LOC128706666: variants seen among roughly 807,000 people sequenced by gnomAD.
the LOC128706666 span, among the ~76,000 whole-genome samples, chr20:10,417,494 C>G: frequency 6.6e-6 from 1 of 152,046 alleles, no homozygotes; most frequent in Non-Finnish European, 1.5e-5. Context: ...GCCTATAGTC[C>G]CAGCTACTTG....
the LOC128706666 span, chr20:10,434,132 C>CCAGGCCGCCACAGGCCGCCA: frequency 2.0e-5 from 3 of 152,708 alleles, no homozygotes; most frequent in Admixed American, 2.0e-4. Flanking sequence ...TCGCGCCGCC[C>CCAGGCCGCCACAGGCCGCCA]CAGGCCGCCA....
the LOC128706666 span, among the ~76,000 whole-genome samples, chr20:10,424,780 G>A: frequency 3.3e-5 from 5 of 151,936 alleles, no homozygotes; most frequent in African/African-American, 9.7e-5. Context: ...AGCAGGGCAC[G>A]GTGGCTCATG....
chr20:10,425,847 C>G, the LOC128706666 span, among the ~76,000 whole-genome samples: 1 of 152,148 alleles, frequency 6.6e-6, no homozygotes, highest in Admixed American at 6.5e-5. Context: ...ACTGCCCTTT[C>G]TTTCTTTCCT....
chr20:10,424,903 A>G, the LOC128706666 span, among the ~76,000 whole-genome samples: 37 of 152,116 alleles, frequency 2.4e-4, no homozygotes, highest in Admixed American at 2.4e-3. Context: ...AATACAAAAA[A>G]TTAGGCTGGT....
chr20:10,433,725 G>A, the LOC128706666 span, among the ~76,000 whole-genome samples: 3 of 152,014 alleles, frequency 2.0e-5, no homozygotes, highest in South Asian at 2.1e-4. Flanking sequence ...GGGGTACACC[G>A]TGCACCCTCC....
At chr20:10,432,899 T>G in the LOC128706666 span, among the ~76,000 whole-genome samples, 1 of 151,986 alleles carries the variant, frequency 6.6e-6, no homozygotes, top group Non-Finnish European at 1.5e-5. Flanking sequence ...TAATACAACG[T>G]TAAATGCTAT....
At chr20:10,433,410 G>A in the LOC128706666 span, among the ~76,000 whole-genome samples, 3 of 152,194 alleles carry the variant, frequency 2.0e-5, no homozygotes, top group Admixed American at 6.5e-5. Flanking sequence ...AGTCAGGACC[G>A]TGCAAGTCCC....
the LOC128706666 span, among the ~76,000 whole-genome samples, chr20:10,424,171 G>A: frequency 6.6e-6 from 1 of 151,980 alleles, no homozygotes; most frequent in Non-Finnish European, 1.5e-5. Flanking sequence ...CCTTTTCACT[G>A]AGCAAGATGG....
At chr20:10,414,480 G>T in the LOC128706666 span, among the ~76,000 whole-genome samples, 2 of 151,974 alleles carry the variant, frequency 1.3e-5, no homozygotes, top group African/African-American at 4.8e-5. Flanking sequence ...TGCCAGGTTG[G>T]TCTCGAACTC....
chr20:10,433,219 T>G, the LOC128706666 span, among the ~76,000 whole-genome samples: 3 of 152,236 alleles, frequency 2.0e-5, no homozygotes, highest in Admixed American at 6.5e-5. Context: ...TTGGCCTGGC[T>G]GGCCCCAAAC....
chr20:10,431,513 C>T, the LOC128706666 span, among the ~76,000 whole-genome samples: 1 of 148,128 alleles, frequency 6.8e-6, no homozygotes, highest in African/African-American at 2.6e-5. Context: ...TAACTCAATG[C>T]TGTATAGGGT....
At chr20:10,424,435 A>G in the LOC128706666 span, among the ~76,000 whole-genome samples, 1 of 152,150 alleles carries the variant, frequency 6.6e-6, no homozygotes, top group Non-Finnish European at 1.5e-5. Flanking sequence ...ACATTGGCAT[A>G]TAACTTTAAA....
chr20:10,433,712 C>A, the LOC128706666 span, among the ~76,000 whole-genome samples: 1 of 152,136 alleles, frequency 6.6e-6, no homozygotes, highest in Non-Finnish European at 1.5e-5. Context: ...CTCCCGACAG[C>A]CTGGGGTACA....
chr20:10,429,671 CA>C, the LOC128706666 span, among the ~76,000 whole-genome samples: 2 of 152,174 alleles, frequency 1.3e-5, no homozygotes, highest in Non-Finnish European at 2.9e-5. Context: ...TCATGCTCCT[CA>C]TCAACTCACT....
At chr20:10,425,690 C>T in the LOC128706666 span, among the ~76,000 whole-genome samples, 1 of 152,146 alleles carries the variant, frequency 6.6e-6, no homozygotes, top group Non-Finnish European at 1.5e-5. Flanking sequence ...AGAATAAGCT[C>T]AAAATGATCA....
the LOC128706666 span, among the ~76,000 whole-genome samples, chr20:10,427,021 A>ACACACACACAG: frequency 8.7e-6 from 1 of 114,724 alleles, no homozygotes; most frequent in Non-Finnish European, 1.9e-5. Context: ...CCAAGAAAAG[A>ACACACACACAG]AAACACTGAC....
At chr20:10,429,152 C>T in the LOC128706666 span, among the ~76,000 whole-genome samples, 2 of 152,200 alleles carry the variant, frequency 1.3e-5, no homozygotes, top group African/African-American at 2.4e-5. Context: ...CCCATTCCAT[C>T]TTCAAACCCA....
At chr20:10,429,792 AGTTCTCAAACTGTGGTCCTCTCAACAGT>A in the LOC128706666 span, among the ~76,000 whole-genome samples, 1 of 152,170 alleles carries the variant, frequency 6.6e-6, no homozygotes, top group Non-Finnish European at 1.5e-5. Flanking sequence ...CAATTCCAGT[AGTTCTCAAACTGTGGTCCTCTCAACAGT>A]GCCATTAGCA....
chr20:10,422,774 C>T, the LOC128706666 span, among the ~76,000 whole-genome samples: 3 of 150,126 alleles, frequency 2.0e-5, no homozygotes, highest in South Asian at 2.1e-4. Context: ...TGCAGTGGTG[C>T]GATCTCAGCT....
Sources: allele counts gnomAD v4.1 joint callset (sites outside exome capture counted in the v4.1 genomes callset), GRCh38; gene constraint gnomAD v4.1.1; transcripts MANE v1.5.